ARHGAP10: variants seen among roughly 807,000 people sequenced by gnomAD.
The protein encoded by ARHGAP10 is rho GTPase-activating protein 10.
ARHGAP10 carries 87 observed loss-of-function variants against 108.6 expected under a neutral mutation model. The ratio of observed to expected loss-of-function variants is 0.80; its 90% CI spans 0.67 to 0.96. The LOEUF is 0.96. Ranked by LOEUF, ARHGAP10 falls within the 40% of genes least tolerant of loss-of-function variation. The pLI is 0.00. For synonymous variants in ARHGAP10, 347 were observed against 341.1 expected (o/e 1.02, Z -0.19); for missense variants, 939 against 954.5 (o/e 0.98, Z 0.21).
At chr4:147,807,494 G>A (rs897786225) in intron 1 of ARHGAP10, among the ~76,000 whole-genome samples, 1 of 151,756 alleles carries the variant, frequency 6.6e-6, no homozygotes, top group Admixed American at 6.6e-5. Context: ...TTTCTGAAAT[G>A]GTCAGGAACG....
intron 19 of ARHGAP10, among the ~76,000 whole-genome samples, chr4:148,023,979 C>T (rs188233184): frequency 3.9e-5 from 6 of 152,350 alleles, no homozygotes; most frequent in East Asian, 3.9e-4. Flanking sequence ...ACGTCCCTTC[C>T]GAGCCATGCT....
chr4:147,903,220 CTCCT>C (rs1172386295), intron 10 of ARHGAP10, among the ~76,000 whole-genome samples: 1 of 152,176 alleles, frequency 6.6e-6, no homozygotes, highest in Non-Finnish European at 1.5e-5. Context: ...CTGATCTTAG[CTCCT>C]CCAGAGTGTG....
At chr4:147,929,386 T>C (rs1483325988) in intron 13 of ARHGAP10, among the ~76,000 whole-genome samples, 1 of 152,208 alleles carries the variant, frequency 6.6e-6, no homozygotes, top group African/African-American at 2.4e-5. Context: ...TTTAAAACCA[T>C]TTTAATATAA....
At chr4:147,837,439 G>C (rs759462545) in intron 3 of ARHGAP10, among the ~76,000 whole-genome samples, 1 of 152,138 alleles carries the variant, frequency 6.6e-6, no homozygotes, top group East Asian at 1.9e-4. Flanking sequence ...TGGGTTTCTT[G>C]TAGTATCTTT....
chr4:147,823,585 G>A lies in ARHGAP10; in HGVS notation c.312+628G>A, dbSNP rs567537039. ...CCAGCCTGGCCCACATGGTGAAACC[G>A]CATCTCTACAAAAATACAAAAACTA... On this transcript the variant is annotated intron_variant, in intron 3 of 22. Transcript: ENST00000336498. Among the ~76,000 whole-genome samples the A allele has an allele frequency of 3.3e-5, 5 of 151,002 alleles. No individual in the cohort carries two copies. In the South Asian group the frequency reaches 6.3e-4, roughly 19 times the overall value.
At chr4:147,957,047 A>T (rs1265619507) in intron 16 of ARHGAP10, among the ~76,000 whole-genome samples, 2 of 152,184 alleles carry the variant, frequency 1.3e-5, no homozygotes, top group Non-Finnish European at 2.9e-5. Flanking sequence ...AACGCAGACA[A>T]GATCATCACC....
chr4:148,031,764 G>A (rs921921300), intron 19 of ARHGAP10, among the ~76,000 whole-genome samples: 1 of 152,320 alleles, frequency 6.6e-6, no homozygotes, highest in African/African-American at 2.4e-5. Flanking sequence ...GGAAGAGCCA[G>A]AGAGGACTAT....
chr4:147,802,989 T>C (rs1355236837), intron 1 of ARHGAP10, among the ~76,000 whole-genome samples: 6 of 150,702 alleles, frequency 4.0e-5, no homozygotes, highest in African/African-American at 7.5e-5. Context: ...CTCTCTCCAC[T>C]TTTTTTCCCT....
intron 1 of ARHGAP10, among the ~76,000 whole-genome samples, chr4:147,784,859 A>G (rs1160975324): frequency 8.6e-6 from 1 of 116,274 alleles, no homozygotes; most frequent in East Asian, 2.3e-4. Flanking sequence ...TATTATAAAT[A>G]TATTATAAAA....
chr4:147,855,110 A>C (rs1194971729), intron 4 of ARHGAP10, among the ~76,000 whole-genome samples: 2 of 152,206 alleles, frequency 1.3e-5, no homozygotes, highest in South Asian at 4.1e-4. Context: ...GCTTCTTACT[A>C]TGTGACCTTG....
chr4:147,931,574 G>A (rs902016538), intron 13 of ARHGAP10, among the ~76,000 whole-genome samples: 1 of 151,980 alleles, frequency 6.6e-6, no homozygotes, highest in Non-Finnish European at 1.5e-5. Context: ...TCTATACAAG[G>A]CACCATAAAA....
intron 3 of ARHGAP10, among the ~76,000 whole-genome samples, chr4:147,825,832 C>T (rs1267317111): frequency 2.6e-5 from 4 of 152,140 alleles, no homozygotes; most frequent in African/African-American, 7.2e-5. Flanking sequence ...GAACATTGAG[C>T]GCATACCTAT....
intron 1 of ARHGAP10, among the ~76,000 whole-genome samples, chr4:147,811,367 T>G (rs978430453): frequency 2.6e-5 from 4 of 152,208 alleles, no homozygotes; most frequent in African/African-American, 9.6e-5. Flanking sequence ...TGGGGTTCAC[T>G]GCTCCCTAGG....
At chr4:147,827,773 T>C (rs952176606) in intron 3 of ARHGAP10, among the ~76,000 whole-genome samples, 1 of 152,120 alleles carries the variant, frequency 6.6e-6, no homozygotes, top group Admixed American at 6.6e-5. Context: ...AGTCTAAAAT[T>C]GGTTCCAAGG....
chr4:147,962,077 T>C (rs1459367024), intron 16 of ARHGAP10, among the ~76,000 whole-genome samples: 1 of 152,206 alleles, frequency 6.6e-6, no homozygotes, highest in South Asian at 2.1e-4. Context: ...TCCTACTGTT[T>C]CCAGCTACTG....
chr4:147,954,189 T>G (rs566833257), intron 15 of ARHGAP10, among the ~76,000 whole-genome samples: 1 of 152,090 alleles, frequency 6.6e-6, no homozygotes, highest in South Asian at 2.1e-4. Flanking sequence ...GGAGTGTCAT[T>G]TAGGTGAAGG....
At chr4:147,944,346 GTTTA>G (rs1315557226) in intron 14 of ARHGAP10, among the ~76,000 whole-genome samples, 1 of 152,190 alleles carries the variant, frequency 6.6e-6, no homozygotes, top group Non-Finnish European at 1.5e-5. Context: ...CATTGTTGTA[GTTTA>G]TTGCATATTG....
At chr4:147,756,259 G>A (rs1427542037) in intron 1 of ARHGAP10, among the ~76,000 whole-genome samples, 2 of 152,134 alleles carry the variant, frequency 1.3e-5, no homozygotes, top group Non-Finnish European at 2.9e-5. Context: ...CCCCAAGTAA[G>A]TCTGGGAAAA....
intron 1 of ARHGAP10, among the ~76,000 whole-genome samples, chr4:147,768,706 T>G (rs1258813285): frequency 6.6e-6 from 1 of 151,634 alleles, no homozygotes; most frequent in Non-Finnish European, 1.5e-5. Flanking sequence ...TGTTTAAACA[T>G]TTAAGTGCTT....
Sources: gnomAD v4.1 joint callset for allele counts (sites outside exome capture counted in the v4.1 genomes callset) on GRCh38, gnomAD v4.1.1 for gene constraint, MANE v1.5 for transcripts, NCBI Gene and HGNC (gene_info 2026-07-23, HGNC 2026-07-21) for gene names.